The following RGS8 variants were observed in gnomAD, a reference collection of about 807,000 sequenced individuals.
RGS8 encodes the protein regulator of G-protein signaling 8.
A neutral mutation model predicts 21.7 loss-of-function variants in RGS8; 8 were observed. That is an observed-to-expected ratio of 0.37 (90% CI 0.22 to 0.66). The LOEUF (loss-of-function observed/expected upper bound fraction) is 0.66. Among genes scored for constraint, RGS8 ranks in the 30% least tolerant of loss-of-function variants. The pLI, the probability that RGS8 is intolerant of heterozygous loss-of-function variation, is 0.59. For synonymous variants in RGS8, 80 were observed against 83.6 expected, an observed-to-expected ratio of 0.96 and a Z score of 0.24; for missense variants, 157 against 217.9, an observed-to-expected ratio of 0.72 and a Z score of 1.76.
At chr1:182,681,042 A>G (rs1303070103) in intron 1 of RGS8, among the ~76,000 whole-genome samples, 1 of 152,264 alleles carries the variant, frequency 6.6e-6, no homozygotes, top group Non-Finnish European at 1.5e-5. Context: ...TACTGCAAGA[A>G]TTCAGTGAAA....
chr1:182,702,546 A>G, the RGS8 span, among the ~76,000 whole-genome samples: 1 of 152,198 alleles, frequency 6.6e-6, no homozygotes. Context: ...TTGAAATTAT[A>G]ACTTTTTTAA....
At chr1:182,691,324 C>T in the RGS8 span, among the ~76,000 whole-genome samples, 1 of 152,214 alleles carries the variant, frequency 6.6e-6, no homozygotes, top group Admixed American at 6.5e-5. Flanking sequence ...TTTACCCCTC[C>T]CAACTTCATT....
chr1:182,687,322 C>A (rs1664733767), upstream of RGS8, among the ~76,000 whole-genome samples: 1 of 152,184 alleles, frequency 6.6e-6, no homozygotes, highest in Admixed American at 6.6e-5. Context: ...GGACCATAAG[C>A]CTGAGGGCTC....
the RGS8 span, among the ~76,000 whole-genome samples, chr1:182,721,631 T>C: frequency 5.9e-5 from 9 of 152,162 alleles, no homozygotes; most frequent in African/African-American, 2.2e-4. Context: ...TTTCTATGTA[T>C]CTATTGGTCA....
chr1:182,691,832 G>A, the RGS8 span, among the ~76,000 whole-genome samples: 1 of 151,966 alleles, frequency 6.6e-6, no homozygotes, highest in South Asian at 2.1e-4. Context: ...AATCAGGCAA[G>A]AGAAAGAAAT....
chr1:182,700,356 A>C, the RGS8 span, among the ~76,000 whole-genome samples: 1 of 152,170 alleles, frequency 6.6e-6, no homozygotes, highest in East Asian at 1.9e-4. Flanking sequence ...TCCCCGCGAC[A>C]CACACGCTAG....
chr1:182,709,912 G>T, the RGS8 span, among the ~76,000 whole-genome samples: 5 of 152,194 alleles, frequency 3.3e-5, no homozygotes, highest in Non-Finnish European at 7.3e-5. Context: ...GCAAGCAACA[G>T]AATCCAACTC....
At chr1:182,740,339 A>C in the RGS8 span, among the ~76,000 whole-genome samples, 2 of 152,208 alleles carry the variant, frequency 1.3e-5, no homozygotes, top group Non-Finnish European at 2.9e-5. Flanking sequence ...GCTAATATTT[A>C]CTGATACTTA....
intron 5 of RGS8, among the ~76,000 whole-genome samples, chr1:182,653,566 C>T (rs1014045589): frequency 6.6e-6 from 1 of 151,878 alleles, no homozygotes; most frequent in Non-Finnish European, 1.5e-5. Flanking sequence ...CAGTGGCATG[C>T]GCCTGTAATC....
the RGS8 span, among the ~76,000 whole-genome samples, chr1:182,721,379 G>A: frequency 6.6e-6 from 1 of 151,942 alleles, no homozygotes; most frequent in Non-Finnish European, 1.5e-5. Context: ...AAAGATCTAG[G>A]GATGTCATTA....
the RGS8 span, among the ~76,000 whole-genome samples, chr1:182,729,097 C>G: frequency 6.6e-6 from 1 of 152,168 alleles, no homozygotes; most frequent in South Asian, 2.1e-4. Flanking sequence ...TCTGCATAAT[C>G]CTTTTTAAAA....
chr1:182,686,522 T>C (rs181989749), upstream of RGS8, among the ~76,000 whole-genome samples: 43 of 152,142 alleles, frequency 2.8e-4, 1 homozygote, highest in Middle Eastern at 0.014. Context: ...AAGGATAGGG[T>C]GAGCTCAGAA....
At chr1:182,652,495 C>T (rs1356135680) in intron 5 of RGS8, among the ~76,000 whole-genome samples, 1 of 152,226 alleles carries the variant, frequency 6.6e-6, no homozygotes, top group Non-Finnish European at 1.5e-5. Flanking sequence ...AGAAAAGTGA[C>T]TTGCCCGATT....
upstream of RGS8, among the ~76,000 whole-genome samples, chr1:182,673,554 A>G (rs1664258784): frequency 6.6e-6 from 1 of 152,196 alleles, no homozygotes; most frequent in Admixed American, 6.5e-5. Context: ...GTCTGTTGAT[A>G]AGATGAAATA....
chr1:182,669,181 A>G (rs1205362279), intron 3 of RGS8, among the ~76,000 whole-genome samples: 1 of 152,252 alleles, frequency 6.6e-6, no homozygotes, highest in African/African-American at 2.4e-5. Flanking sequence ...TAAGACCTCA[A>G]TTATAATCTT....
chr1:182,681,092 G>A (rs1557903024), intron 1 of RGS8, among the ~76,000 whole-genome samples: 1 of 152,224 alleles, frequency 6.6e-6, no homozygotes, highest in Non-Finnish European at 1.5e-5. Context: ...TTAGGCTTAT[G>A]AAAACATTGA....
the RGS8 span, among the ~76,000 whole-genome samples, chr1:182,707,042 C>A: frequency 6.6e-6 from 1 of 151,888 alleles, no homozygotes; most frequent in South Asian, 2.1e-4. Context: ...GCCTATAATC[C>A]CAGCTACTCG....
chr1:182,737,576 A>G, the RGS8 span, among the ~76,000 whole-genome samples: 1 of 152,166 alleles, frequency 6.6e-6, no homozygotes, highest in African/African-American at 2.4e-5. Flanking sequence ...TGCTGCATGT[A>G]AGACGTGCTT....
the RGS8 span, among the ~76,000 whole-genome samples, chr1:182,693,211 T>C: frequency 6.6e-5 from 10 of 152,302 alleles, no homozygotes; most frequent in Non-Finnish European, 1.5e-4. Context: ...AGAAAATATT[T>C]GCAAACTATG....
Sources: allele counts gnomAD v4.1 joint callset (sites outside exome capture counted in the v4.1 genomes callset), GRCh38; gene constraint gnomAD v4.1.1; transcripts MANE v1.5; gene names NCBI Gene and HGNC (gene_info 2026-07-23, HGNC 2026-07-21).